Variants in MRTFA observed in about 807,000 individuals in gnomAD.
MRTFA encodes the protein myocardin-related transcription factor A.
In MRTFA, 20 loss-of-function variants were observed where a neutral mutation model predicts 83.5. The ratio of observed to expected loss-of-function variants is 0.24; its 90% confidence interval spans 0.17 to 0.35. The LOEUF (loss-of-function observed/expected upper bound fraction) is 0.35, where lower values mean the gene tolerates loss of function less well. Among genes scored for constraint, MRTFA ranks in the 10% least tolerant of loss-of-function variants. The pLI, the probability that MRTFA is intolerant of heterozygous loss-of-function variation, is 1.00. For missense variants in MRTFA, 1,200 were observed against 1,224.7 expected, an observed-to-expected ratio of 0.98 and a Z score of 0.30; for synonymous variants, 659 against 541.2, an observed-to-expected ratio of 1.22 and a Z score of -3.02.
At chr22:40,451,733 T>G (rs1034135859) in intron 4 of MRTFA, among the ~76,000 whole-genome samples, 4 of 152,168 alleles carry the variant, frequency 2.6e-5, no homozygotes, top group Admixed American at 2.6e-4. Context: ...CTCTTTGACA[T>G]AGGCCAGGCA....
chr22:40,472,606 G>A (rs1022525421), intron 3 of MRTFA, among the ~76,000 whole-genome samples: 6 of 152,044 alleles, frequency 3.9e-5, no homozygotes, highest in Non-Finnish European at 5.9e-5. Flanking sequence ...TTTAACAAAC[G>A]AATAATTTAA....
At chr22:40,534,895 A>T (rs546736551) in intron 3 of MRTFA, among the ~76,000 whole-genome samples, 99 of 152,338 alleles carry the variant, frequency 6.5e-4, no homozygotes, top group Admixed American at 5.0e-3. Flanking sequence ...GGTAAATAAA[A>T]GCAGTAGGAG....
chr22:40,518,795 CAA>C (rs879690699), intron 3 of MRTFA, among the ~76,000 whole-genome samples: 303 of 68,052 alleles, frequency 4.5e-3, no homozygotes, highest in Middle Eastern at 0.02. Flanking sequence ...ACTCTGTCTC[CAA>C]AAAAAAAAAA....
intron 2 of MRTFA, among the ~76,000 whole-genome samples, chr22:40,582,756 A>T (rs1017031854): frequency 6.6e-6 from 1 of 152,194 alleles, no homozygotes; most frequent in African/African-American, 2.4e-5. Context: ...CTGTTTGTTC[A>T]AAAATCAAGG....
chr22:40,621,893 T>C (rs1263943759), intron 1 of MRTFA, among the ~76,000 whole-genome samples: 1 of 152,234 alleles, frequency 6.6e-6, no homozygotes, highest in South Asian at 2.1e-4. Context: ...ACACTATACA[T>C]GTCTGACCAG....
At chr22:40,523,764 G>A (rs2054911901) in intron 3 of MRTFA, 1 of 152,142 alleles carries the variant, frequency 6.6e-6, no homozygotes, top group Admixed American at 6.5e-5. Flanking sequence ...TGAGTAGCAA[G>A]GTATTAGAAG....
intron 3 of MRTFA, among the ~76,000 whole-genome samples, chr22:40,483,269 T>G (rs2054120451): frequency 6.6e-6 from 1 of 152,042 alleles, no homozygotes; most frequent in Non-Finnish European, 1.5e-5. Flanking sequence ...CTCACTATAT[T>G]GCCCAGGTTG....
intron 3 of MRTFA, among the ~76,000 whole-genome samples, chr22:40,518,220 T>C (rs2054793543): frequency 6.6e-6 from 1 of 152,150 alleles, no homozygotes; most frequent in African/African-American, 2.4e-5. Context: ...AAACCTCTGA[T>C]TTGTAGCCAA....
chr22:40,450,512 G>A (rs1234088975), intron 4 of MRTFA, among the ~76,000 whole-genome samples: 1 of 151,980 alleles, frequency 6.6e-6, no homozygotes, highest in Non-Finnish European at 1.5e-5. Context: ...CTGGAGTGCA[G>A]TGGTGCAATC....
intron 3 of MRTFA, among the ~76,000 whole-genome samples, chr22:40,538,947 T>C (rs760033306): frequency 6.6e-6 from 1 of 151,736 alleles, no homozygotes; most frequent in Non-Finnish European, 1.5e-5. Flanking sequence ...TCTCTATTAA[T>C]TCACTCTAAA....
At chr22:40,516,621 G>T (rs933744041) in intron 3 of MRTFA, among the ~76,000 whole-genome samples, 1 of 151,892 alleles carries the variant, frequency 6.6e-6, no homozygotes, top group African/African-American at 2.4e-5. Context: ...TAGCTACAAC[G>T]GAAAAAATGT....
chr22:40,451,946 T>A (rs1489482546), intron 4 of MRTFA, among the ~76,000 whole-genome samples: 1 of 144,168 alleles, frequency 6.9e-6, no homozygotes, highest in Non-Finnish European at 1.5e-5. Context: ...GCAAATAACA[T>A]CCCACCTGGC....
chr22:40,470,234 T>TAC, intron 3 of MRTFA, among the ~76,000 whole-genome samples: 1 of 13,186 alleles, frequency 7.6e-5, no homozygotes, highest in South Asian at 1.7e-3. Flanking sequence ...CAAAATTTTA[T>TAC]ATATATATAT....
intron 1 of MRTFA, among the ~76,000 whole-genome samples, chr22:40,623,602 T>A (rs2056548629): frequency 6.6e-6 from 1 of 152,120 alleles, no homozygotes; most frequent in South Asian, 2.1e-4. Context: ...ATGCTGAGAA[T>A]AGGGCAGAGA....
intron 2 of MRTFA, among the ~76,000 whole-genome samples, chr22:40,572,595 C>T (rs1358088317): frequency 1.3e-5 from 2 of 152,060 alleles, no homozygotes; most frequent in Admixed American, 6.6e-5. Flanking sequence ...GTTACACTTG[C>T]GTATTACTCC....
intron 2 of MRTFA, among the ~76,000 whole-genome samples, chr22:40,583,032 A>G (rs147550895): frequency 1.3e-5 from 2 of 152,322 alleles, no homozygotes; most frequent in East Asian, 1.9e-4. Context: ...GAGGCAAAAT[A>G]AAGTAAAAAG....
At chr22:40,535,728 G>A (rs1209561963) in intron 3 of MRTFA, among the ~76,000 whole-genome samples, 2 of 152,094 alleles carry the variant, frequency 1.3e-5, no homozygotes, top group Non-Finnish European at 1.5e-5. Flanking sequence ...GGTATTTACA[G>A]GAAAATAAAT....
At chr22:40,541,604 A>G (rs576217681) in intron 3 of MRTFA, among the ~76,000 whole-genome samples, 2 of 152,304 alleles carry the variant, frequency 1.3e-5, no homozygotes, top group African/African-American at 2.4e-5. Context: ...AGGATCACAC[A>G]TTACCACAGG....
At chr22:40,434,843 A>G (rs2053137492) in intron 5 of MRTFA, among the ~76,000 whole-genome samples, 1 of 152,090 alleles carries the variant, frequency 6.6e-6, no homozygotes, top group Non-Finnish European at 1.5e-5. Flanking sequence ...TGTGAGGGGG[A>G]AGCAAGTTCT....
Sources: gnomAD v4.1 joint callset for allele counts (sites outside exome capture counted in the v4.1 genomes callset) on GRCh38, gnomAD v4.1.1 for gene constraint, MANE v1.5 for transcripts, NCBI Gene and HGNC (gene_info 2026-07-23, HGNC 2026-07-21) for gene names.